RBMS3: variants seen among roughly 807,000 people sequenced by gnomAD.
The protein encoded by RBMS3 is RNA-binding motif, single-stranded-interacting protein 3.
In RBMS3, 27 loss-of-function variants were observed where a neutral mutation model predicts 66.8. The ratio of observed to expected loss-of-function variants is 0.40; its 90% CI spans 0.30 to 0.56. RBMS3 has a LOEUF of 0.56. RBMS3 is among the 20% of genes least tolerant of loss of function. The probability of loss-of-function intolerance (pLI) is 0.40; values close to 1 mark genes in which losing one functional copy is unlikely to be tolerated. For synonymous variants in RBMS3, 188 were observed against 183.0 expected, an observed-to-expected ratio of 1.03 and a Z score of -0.22; for missense variants, 513 against 549.5, an observed-to-expected ratio of 0.93 and a Z score of 0.66.
intron 2 of RBMS3, chr3:29,435,117 G>A (rs1163456281): frequency 7.0e-6 from 4 of 572,102 alleles, no homozygotes; most frequent in Non-Finnish European, 1.2e-5. Context: ...TTGAGTGGAA[G>A]TTCTTGAGCA....
At chr3:29,637,673 A>C (rs533007095) in intron 4 of RBMS3, among the ~76,000 whole-genome samples, 2 of 151,868 alleles carry the variant, frequency 1.3e-5, no homozygotes, top group Non-Finnish European at 2.9e-5. Flanking sequence ...AATGGACTTT[A>C]TATTAAAACA....
intron 6 of RBMS3, among the ~76,000 whole-genome samples, chr3:29,859,281 C>A (rs1484471594): frequency 6.6e-6 from 1 of 152,100 alleles, no homozygotes; most frequent in Non-Finnish European, 1.5e-5. Context: ...GGTTTTAATT[C>A]TAACCTGGCC....
chr3:29,499,127 G>T (rs1191348049), intron 3 of RBMS3, among the ~76,000 whole-genome samples: 6 of 151,964 alleles, frequency 3.9e-5, no homozygotes, highest in Non-Finnish European at 7.4e-5. Flanking sequence ...CCTTTGTTAT[G>T]CTATTCACTC....
At chr3:29,651,221 T>C (rs990721151) in intron 4 of RBMS3, among the ~76,000 whole-genome samples, 13 of 152,188 alleles carry the variant, frequency 8.5e-5, no homozygotes, top group Admixed American at 4.6e-4. Flanking sequence ...GGACTCTACC[T>C]GCCTGAGGGA....
intron 14 of RBMS3, among the ~76,000 whole-genome samples, chr3:29,993,129 T>C (rs1698991080): frequency 6.7e-6 from 1 of 149,472 alleles, no homozygotes; most frequent in Admixed American, 6.6e-5. Context: ...CTTACAAATG[T>C]AAGGTATTAT....
chr3:29,710,957 T>G (rs1211559997), intron 4 of RBMS3, among the ~76,000 whole-genome samples: 1 of 152,180 alleles, frequency 6.6e-6, no homozygotes, highest in African/African-American at 2.4e-5. Flanking sequence ...GCACCTACTA[T>G]GTGTCAGGCA....
At chr3:29,431,283 TTC>T (rs1329797001) in intron 1 of RBMS3, among the ~76,000 whole-genome samples, 3 of 117,568 alleles carry the variant, frequency 2.6e-5, no homozygotes, top group East Asian at 5.4e-4. Context: ...AAATGTTTCT[TTC>T]TTTCTTTTTC....
At chr3:29,602,120 A>G (rs2048165563) in intron 4 of RBMS3, among the ~76,000 whole-genome samples, 1 of 152,080 alleles carries the variant, frequency 6.6e-6, no homozygotes, top group Non-Finnish European at 1.5e-5. Context: ...TGAGTCCTCC[A>G]AATTTTAATA....
At chr3:29,805,447 C>G (rs1009495239) in intron 6 of RBMS3, among the ~76,000 whole-genome samples, 1 of 152,020 alleles carries the variant, frequency 6.6e-6, no homozygotes. Context: ...TCAGGCAAGT[C>G]TTTCAGGAAG....
At position 30,004,962 on chromosome 3, in the gene RBMS3, A is replaced by C. The variant is rs1179224664; in HGVS notation, c.*1100A>C. ...AAAAAAAACAAAAAAAAAGCAATAG[A>C]TAGAGAAATTGTTGACAATTTCTGT... On this transcript the variant is annotated 3_prime_UTR_variant, in exon 15 of 15. Coordinates refer to ENST00000383767, the MANE Select transcript of RBMS3 (RefSeq NM_001003793.3). The C allele has an allele frequency of 6.6e-6, 1 of 151,356 alleles. No homozygotes were observed. The highest frequency in any genetic ancestry group is 1.5e-5 in the Non-Finnish European group (1 of 67,574). 9.4% of individuals were successfully genotyped at this position (151,356 alleles called of 1,614,324 possible). A position where few individuals can be genotyped will look rare whatever the true frequency, so the allele number is the denominator to read the frequency against.
At chr3:29,514,111 C>T (rs2044519138) in intron 3 of RBMS3, among the ~76,000 whole-genome samples, 2 of 152,134 alleles carry the variant, frequency 1.3e-5, no homozygotes, top group Non-Finnish European at 2.9e-5. Flanking sequence ...GAATAGGAAG[C>T]ATATAATAGA....
intron 6 of RBMS3, among the ~76,000 whole-genome samples, chr3:29,859,589 G>T (rs1411646625): frequency 1.3e-5 from 2 of 152,148 alleles, no homozygotes. Flanking sequence ...TGGCAGACAG[G>T]ATCTATACGC....
At chr3:29,605,737 T>G (rs909808248) in intron 4 of RBMS3, among the ~76,000 whole-genome samples, 1 of 151,782 alleles carries the variant, frequency 6.6e-6, no homozygotes, top group Non-Finnish European at 1.5e-5. Context: ...GACCCTTTTT[T>G]AATATTCTCC....
intron 4 of RBMS3, among the ~76,000 whole-genome samples, chr3:29,625,916 A>G (rs1292416460): frequency 1.3e-5 from 2 of 152,092 alleles, no homozygotes; most frequent in African/African-American, 4.8e-5. Context: ...TTGCTGAGAT[A>G]TAAGAAGACG....
chr3:29,371,723 A>G (rs552175262), intron 1 of RBMS3, among the ~76,000 whole-genome samples: 1 of 152,164 alleles, frequency 6.6e-6, no homozygotes, highest in Non-Finnish European at 1.5e-5. Context: ...AAGCCTTTAC[A>G]TTTGATCTAA....
At chr3:29,548,687 G>A (rs1243374421) in intron 3 of RBMS3, among the ~76,000 whole-genome samples, 4 of 151,674 alleles carry the variant, frequency 2.6e-5, no homozygotes, top group East Asian at 3.9e-4. Flanking sequence ...TTCCAAAAAC[G>A]TCATCTAGTA....
intron 1 of RBMS3, among the ~76,000 whole-genome samples, chr3:29,334,450 C>T (rs190104195): frequency 5.9e-5 from 9 of 151,944 alleles, no homozygotes. Flanking sequence ...TAAATACTCT[C>T]GTGTCTCTAT....
At position 29,732,217 on chromosome 3, in the gene RBMS3, A is replaced by C. The variant is rs73829328; in HGVS notation, c.400-7503A>C. Among the ~76,000 whole-genome samples, 906 of 152,242 alleles carry C rather than the reference A, an allele frequency of 6.0e-3. 12 individuals are homozygous for C. The highest frequency in any genetic ancestry group is 0.021 in the African/African-American group (872 of 41,526). On this transcript the variant is annotated intron_variant, in intron 4 of 14. Transcript: ENST00000383767. ...CAGTCTACAGGCTGTCAGGTTCAAG[A>C]CTCAAGAAGGGCTGATATTTCAGTC... is the stretch of plus-strand genomic sequence containing the variant.
At chr3:29,584,239 T>G (rs2047431790) in intron 3 of RBMS3, among the ~76,000 whole-genome samples, 1 of 152,118 alleles carries the variant, frequency 6.6e-6, no homozygotes, top group Admixed American at 6.5e-5. Context: ...TTTCTTACCT[T>G]GGATTTGAGA....
Sources: gnomAD v4.1 joint callset for allele counts (sites outside exome capture counted in the v4.1 genomes callset) on GRCh38, gnomAD v4.1.1 for gene constraint, MANE v1.5 for transcripts, NCBI Gene and HGNC (gene_info 2026-07-23, HGNC 2026-07-21) for gene names.